The following GNA11 variants were observed in gnomAD, a reference collection of about 807,000 sequenced individuals.
GNA11 encodes the protein G protein subunit alpha 11.
In GNA11, 8 loss-of-function variants were observed where a neutral mutation model predicts 38.2. The ratio of observed to expected loss-of-function variants is 0.21; its 90% CI spans 0.12 to 0.38. The LOEUF is 0.38. Among genes scored for constraint, GNA11 ranks in the 10% least tolerant of loss-of-function variants. The pLI is 1.00. For missense variants in GNA11, 268 were observed against 516.3 expected (o/e 0.52, Z 4.66); for synonymous variants, 211 against 221.4 (o/e 0.95, Z 0.42).
intron 4 of GNA11, among the ~76,000 whole-genome samples, chr19:3,116,750 A>G (rs1913934839): frequency 6.6e-6 from 1 of 152,230 alleles, no homozygotes; most frequent in Admixed American, 6.5e-5. Flanking sequence ...CTTCTCCTGC[A>G]GTGCAAGCTC....
rs147505123 is a variant in GNA11, at chr19:3,106,057, G to A, written c.137-4092G>A. On this transcript the variant is annotated intron_variant, in intron 1 of 6. Coordinates refer to ENST00000078429, the MANE Select transcript of GNA11 (RefSeq NM_002067.5). The stretch of plus-strand genomic sequence containing the variant: ...ATTTTGGAGCCAAAAGAGCGTTCCA[G>A]CTCAGATGTCTTTCAGGTGGAGTGT... Among the ~76,000 whole-genome samples the A allele has an allele frequency of 7.2e-3, 1,101 of 152,332 alleles. 12 individuals carry two copies. Among genetic ancestry groups the A allele is most frequent in the Middle Eastern group, 0.017 (5 of 294 alleles).
intron 4 of GNA11, 177 bp from the exon 5 acceptor site, chr19:3,118,747 G>T: frequency 1.6e-6 from 1 of 613,354 alleles, no homozygotes. Context: ...GTCACCCCTG[G>T]AGGCGGTGCG....
intron 3 of GNA11, among the ~76,000 whole-genome samples, 197 bp from the exon 4 acceptor site, chr19:3,114,746 TG>T (rs1048508256): frequency 5.3e-5 from 8 of 152,188 alleles, no homozygotes; most frequent in Non-Finnish European, 7.3e-5. Context: ...GGATAGAGGT[TG>T]GGAGGCTCGT....
chr19:3,115,108 C>T (rs1264729103), intron 4 of GNA11, 36 bp downstream of exon 4: 2 of 1,598,466 alleles, frequency 1.3e-6, no homozygotes, highest in Admixed American at 1.7e-5. Flanking sequence ...GGAGGGGGCA[C>T]TGAGAGGCTC....
intron 2 of GNA11, among the ~76,000 whole-genome samples, chr19:3,113,064 T>C (rs1436858142): frequency 3.3e-5 from 5 of 152,184 alleles, no homozygotes; most frequent in Non-Finnish European, 7.4e-5. Context: ...CTCTAAGAAG[T>C]GAATCGAAGC....
At position 3,110,271 on chromosome 19, in the gene GNA11, A is replaced by G. The variant is rs1475313918; in HGVS notation, c.259A>G (p.Met87Val). 2 of 1,614,048 alleles carry G rather than the reference A, an allele frequency of 1.2e-6. No homozygotes were observed. The highest frequency in any genetic ancestry group is 1.1e-5 in the South Asian group (1 of 91,084). Residue 87 changes from methionine (M) to valine (V), a missense_variant, in exon 2 of 7, where the codon ATG becomes GTG. Met to Val is a conservative substitution (Grantham distance 21, BLOSUM62 1). Coordinates refer to ENST00000078429, the MANE Select transcript of GNA11 (RefSeq NM_002067.5). The surrounding 1 kb of genome is among the most constrained non-coding windows in gnomAD (Gnocchi z 5.4). The part of the protein sequence containing the change: ...KLVYQNIFTA[M>V]QAMIRAMETL... ...CGTCTACCAGAACATCTTCACCGCC[A>G]TGCAGGCCATGATCCGGGCCATGGA...
chr19:3,097,755 C>T (rs572582959), intron 1 of GNA11, among the ~76,000 whole-genome samples: 1 of 152,366 alleles, frequency 6.6e-6, no homozygotes, highest in South Asian at 2.1e-4. Flanking sequence ...GCTGTTCACG[C>T]CTCAGATGGG....
chr19:3,109,279 C>T (rs1913707611), intron 1 of GNA11, among the ~76,000 whole-genome samples: 1 of 152,156 alleles, frequency 6.6e-6, no homozygotes, highest in South Asian at 2.1e-4. Flanking sequence ...GAGTGAGGAC[C>T]CCCATGTCAC....
chr19:3,112,860 G>A (rs1331561973), intron 2 of GNA11, among the ~76,000 whole-genome samples: 1 of 152,278 alleles, frequency 6.6e-6, no homozygotes, highest in Non-Finnish European at 1.5e-5. Context: ...GATGCCGCTG[G>A]TTGCAACGTC....
chr19:3,101,235 A>G (rs566724759), intron 1 of GNA11, among the ~76,000 whole-genome samples: 2 of 152,190 alleles, frequency 1.3e-5, no homozygotes, highest in Admixed American at 1.3e-4. Flanking sequence ...GTCCACACTG[A>G]TGGGTGCTGG....
rs1214321592 is a variant in GNA11, at chr19:3,121,706, T to C, written c.*527T>C. 3 of 232,718 alleles carry C rather than the reference T, an allele frequency of 1.3e-5. No homozygotes were observed. The highest frequency in any genetic ancestry group is 2.2e-5 in the African/African-American group (1 of 45,226). 14.4% of individuals were successfully genotyped at this position (232,718 alleles called of 1,614,324 possible). On this transcript the variant is annotated 3_prime_UTR_variant, in exon 7 of 7. Coordinates refer to ENST00000078429, the MANE Select transcript of GNA11 (RefSeq NM_002067.5). ...GTGGAGACTCGGAGACGGACGTTTT[T>C]CCCCTTTTTTAAGTTATTGACGCCC... is the stretch of plus-strand genomic sequence containing the variant.
chr19:3,119,409 G>C lies in GNA11; in HGVS notation c.889+50G>C, dbSNP rs751275224. 32 of 1,557,560 alleles carry C rather than the reference G, an allele frequency of 2.1e-5. No homozygotes were observed. The highest frequency in any genetic ancestry group is 6.9e-5 in the African/African-American group (5 of 72,916). ...GGGGCTCGCGGGCAGGGCCTTACTG[G>C]GGGGAGGGGGCTGATATGGGAGAGG... On this transcript the variant is annotated intron_variant, in intron 6 of 6. Coordinates refer to ENST00000078429, the MANE Select transcript of GNA11 (RefSeq NM_002067.5). This position sits in a 1 kb window ranked among gnomAD's most constrained non-coding sequence, Gnocchi z 4.6.
At chr19:3,099,152 C>T (rs1036866111) in intron 1 of GNA11, among the ~76,000 whole-genome samples, 4 of 152,168 alleles carry the variant, frequency 2.6e-5, no homozygotes, top group Non-Finnish European at 5.9e-5. Context: ...GGGAGGACGC[C>T]GTGGCATCAG....
intron 1 of GNA11, among the ~76,000 whole-genome samples, chr19:3,101,842 C>T (rs1913515360): frequency 6.6e-6 from 1 of 152,112 alleles, no homozygotes; most frequent in South Asian, 2.1e-4. Context: ...GCCTGTAATC[C>T]AAGTACTTTG....
rs1487847863 is a variant in GNA11, at chr19:3,110,259, A to G, written c.247A>G (p.Ile83Val). 2 of 1,614,008 alleles carry G rather than the reference A, an allele frequency of 1.2e-6. No homozygotes were observed. Among genetic ancestry groups the G allele is most frequent in the Non-Finnish European group, 1.7e-6 (2 of 1,179,946 alleles). Residue 83 changes from isoleucine to valine, a missense_variant, in exon 2 of 7, where the codon ATC becomes GTC. Physicochemically the swap from Ile to Val is conservative, Grantham distance 29. Transcript: ENST00000078429. The surrounding 1 kb of genome is among the most constrained non-coding windows in gnomAD (Gnocchi z 5.4). ...CTTCACCAAGCTCGTCTACCAGAAC[A>G]TCTTCACCGCCATGCAGGCCATGAT... The part of the protein sequence containing the change: ...RGFTKLVYQN[I>V]FTAMQAMIRA...
In GNA11 at chr19:3,120,966, C is replaced by T; in HGVS notation, c.890-23C>T. The T allele has an allele frequency of 2.5e-6, 4 of 1,586,948 alleles. No homozygotes were observed. The highest frequency in any genetic ancestry group is 2.3e-5 in the South Asian group (2 of 87,764). ...TGCCCTGGGCCGGGCTGGGGCACAG[C>T]CTCACCCTCTGCCCTCCCCCAGGTC... is the stretch of plus-strand genomic sequence containing the variant. On this transcript the variant is annotated intron_variant, in intron 6 of 6. Coordinates refer to ENST00000078429, the MANE Select transcript of GNA11 (RefSeq NM_002067.5). This position sits in a 1 kb window ranked among gnomAD's most constrained non-coding sequence, Gnocchi z 5.9.
chr19:3,119,281 C>T lies in GNA11; in HGVS notation c.811C>T (p.Leu271Phe). Residue 271 changes from leucine (L) to phenylalanine (F), a missense_variant, in exon 6 of 7, where the codon CTC becomes TTC. Transcript: ENST00000078429. This position sits in a 1 kb window ranked among gnomAD's most constrained non-coding sequence, Gnocchi z 4.6. ...CTGGTTCCAGAACTCCTCCGTCATC[C>T]TCTTCCTCAACAAGAAGGACCTGCT... ...YPWFQNSSVI[L>F]FLNKKDLLED... is the part of the protein sequence containing the mutation. 6.2e-7 allele frequency: 1 copy of T among 1,613,668 alleles called. No homozygotes were observed. Among genetic ancestry groups the T allele is most frequent in the Non-Finnish European group, 8.5e-7 (1 of 1,179,644 alleles).
intron 2 of GNA11, among the ~76,000 whole-genome samples, chr19:3,112,953 G>A (rs576447837): frequency 5.3e-5 from 8 of 152,296 alleles, no homozygotes; most frequent in African/African-American, 1.2e-4. Context: ...TTCTGTCGTC[G>A]TGCTTGGTCG....
rs935057621 is a variant in GNA11 at position 3,110,421 on chromosome 19, C to A, written c.321+88C>A. ...GGTGGCCGCGCTGCCAGGGTGGGGC[C>A]ATGCCGGGGGTCCCGGCCGGCCCAG... On this transcript the variant is annotated intron_variant, in intron 2 of 6. Transcript: ENST00000078429. The surrounding 1 kb of genome is among the most constrained non-coding windows in gnomAD (Gnocchi z 5.4). The A allele has an allele frequency of 1.1e-5, 12 of 1,117,468 alleles. No homozygotes were observed. The African/African-American group carries it at 1.7e-4, about 16-fold the overall frequency. The allele number at this position is 1,117,468 out of a possible 1,614,324, so 69.2% of individuals were successfully genotyped here. A position where few individuals can be genotyped will look rare whatever the true frequency, so the allele number is the denominator to read the frequency against.
Sources: allele counts gnomAD v4.1 joint callset (sites outside exome capture counted in the v4.1 genomes callset), GRCh38; gene constraint gnomAD v4.1.1; non-coding constraint Gnocchi (gnomAD v3.1); transcripts MANE v1.5; gene names NCBI Gene and HGNC (gene_info 2026-07-23, HGNC 2026-07-21).